Variants in POC1A observed in about 807,000 individuals in gnomAD.
The protein encoded by POC1A is POC1 centriolar protein homolog A.
POC1A carries 34 observed loss-of-function variants against 47.8 expected under a neutral mutation model. The observed-to-expected ratio is 0.71, with a 90% confidence interval of 0.54 to 0.95. The LOEUF is 0.95. POC1A is among the 40% of genes least tolerant of loss of function. The pLI is 0.00. For missense variants in POC1A, 466 were observed against 528.3 expected, an observed-to-expected ratio of 0.88 and a Z score of 1.16; for synonymous variants, 177 against 207.6, an observed-to-expected ratio of 0.85 and a Z score of 1.27.
rs1057493091 is a variant in POC1A at position 52,095,032 on chromosome 3, T to A, written c.1125+1537A>T. Reference sequence around the variant, plus strand: ...GTTTTTAGTGTTATACTCCTCTGGATCCAATGAAGCTATTTTTAACCACCT... The same window carrying A: ...GTTTTTAGTGTTATACTCCTCTGGAACCAATGAAGCTATTTTTAACCACCT... On this transcript the variant is annotated intron_variant, in intron 10 of 10. Coordinates refer to ENST00000296484, the MANE Select transcript of POC1A (RefSeq NM_015426.5). Among the ~76,000 whole-genome samples the A allele has an allele frequency of 2.0e-5, 3 of 152,222 alleles. 1 individual carries two copies. The South Asian group carries it at 6.2e-4, about 32-fold the overall frequency.
At chr3:52,077,208 G>A (rs2106914594) in intron 10 of POC1A, among the ~76,000 whole-genome samples, 1 of 152,362 alleles carries the variant, frequency 6.6e-6, no homozygotes, top group South Asian at 2.1e-4. Flanking sequence ...GCAGCCCATA[G>A]GCATCAGGAG....
chr3:52,088,593 GTGA>G (rs1250563610), intron 10 of POC1A, among the ~76,000 whole-genome samples: 1 of 152,152 alleles, frequency 6.6e-6, no homozygotes, highest in East Asian at 1.9e-4. Flanking sequence ...GGGGTCAGCT[GTGA>G]TGAAGTAGGC....
intron 10 of POC1A, among the ~76,000 whole-genome samples, chr3:52,081,459 C>T (rs184287614): frequency 5.3e-5 from 8 of 152,290 alleles, no homozygotes; most frequent in African/African-American, 1.9e-4. Flanking sequence ...TTCAACGAGG[C>T]AGATGCCACG....
At position 52,138,178 on chromosome 3, in the gene POC1A, G is replaced by A. The variant is rs201155173; in HGVS notation, c.804C>T (p.His268=). The A allele has an allele frequency of 2.6e-5, 42 of 1,614,182 alleles. No homozygotes were observed. Among genetic ancestry groups the A allele is most frequent in the Non-Finnish European group, 3.1e-5 (37 of 1,180,014 alleles). The change falls in exon 7 of 11, where the codon CAC becomes CAT. Residue 268 remains histidine, a synonymous_variant. Transcript: ENST00000296484. The part of the protein sequence containing the change: ...LMEGRLLYTL[H]GHQGPATTVA... ...GGCCGACACCTCTCACCTGATGCCC[G>A]TGGAGTGTGTAGAGCAGCCGGCCCT...
At chr3:52,077,254 G>A (rs1702145410) in intron 10 of POC1A, among the ~76,000 whole-genome samples, 1 of 152,254 alleles carries the variant, frequency 6.6e-6, no homozygotes, top group Non-Finnish European at 1.5e-5. Context: ...TTTCCCAAGA[G>A]GTTTTGCCCC....
intron 8 of POC1A, 45 bp downstream of exon 8, chr3:52,125,068 T>C: frequency 7.0e-7 from 1 of 1,437,018 alleles, no homozygotes; most frequent in Non-Finnish European, 9.8e-7. Context: ...AGAAATCAGC[T>C]CAGATTCCCT....
chr3:52,077,264 C>T (rs1018758705), intron 10 of POC1A, among the ~76,000 whole-genome samples: 1 of 152,242 alleles, frequency 6.6e-6, no homozygotes. Flanking sequence ...GGTTTTGCCC[C>T]CTTCCCTGGG....
chr3:52,123,818 T>C (rs1338513455), intron 8 of POC1A, among the ~76,000 whole-genome samples: 1 of 152,232 alleles, frequency 6.6e-6, no homozygotes, highest in Non-Finnish European at 1.5e-5. Flanking sequence ...AGGCTGCCTC[T>C]CCTACTATGT....
At chr3:52,149,173 G>A in intron 4 of POC1A, 37 bp downstream of exon 4, 1 of 1,600,824 alleles carries the variant, frequency 6.2e-7, no homozygotes, top group Non-Finnish European at 8.6e-7. Flanking sequence ...CAACCCCCAG[G>A]GTTCCTCCAA....
intron 7 of POC1A, among the ~76,000 whole-genome samples, chr3:52,136,126 T>C (rs996588302): frequency 1.3e-5 from 2 of 152,180 alleles, no homozygotes; most frequent in East Asian, 1.9e-4. Context: ...TACACCTGGA[T>C]ACCTGGAGTA....
intron 4 of POC1A, among the ~76,000 whole-genome samples, chr3:52,148,557 C>T (rs1249057341): frequency 6.6e-6 from 1 of 152,242 alleles, no homozygotes; most frequent in Non-Finnish European, 1.5e-5. Context: ...CTTGAAAGGT[C>T]CTTTGGGTTA....
chr3:52,106,881 A>G (rs554655885), intron 9 of POC1A, among the ~76,000 whole-genome samples: 2 of 152,266 alleles, frequency 1.3e-5, no homozygotes, highest in Non-Finnish European at 2.9e-5. Context: ...CTCTCTCTGC[A>G]AGCATTTCCA....
chr3:52,126,283 C>T (rs1410795334), intron 7 of POC1A, among the ~76,000 whole-genome samples: 1 of 152,166 alleles, frequency 6.6e-6, no homozygotes, highest in Non-Finnish European at 1.5e-5. Flanking sequence ...CAGAAAAGAC[C>T]AGCCAAGTTC....
At chr3:52,153,924 C>T (rs533815328) in intron 1 of POC1A, among the ~76,000 whole-genome samples, 7 of 152,370 alleles carry the variant, frequency 4.6e-5, no homozygotes, top group African/African-American at 9.6e-5. Flanking sequence ...CGGCTCCGCC[C>T]CGCTCACACT....
At chr3:52,114,420 T>C (rs942605125) in intron 9 of POC1A, among the ~76,000 whole-genome samples, 1 of 152,164 alleles carries the variant, frequency 6.6e-6, no homozygotes. Context: ...ATTGTGGGAA[T>C]GTAGACACCA....
chr3:52,145,141 C>T (rs80348271), intron 6 of POC1A, among the ~76,000 whole-genome samples: 5 of 152,278 alleles, frequency 3.3e-5, no homozygotes, highest in African/African-American at 1.2e-4. Flanking sequence ...GGAACTGGGG[C>T]GCCTCATGGC....
chr3:52,122,325 T>C, intron 9 of POC1A, 54 bp downstream of exon 9: 5 of 1,042,518 alleles, frequency 4.8e-6, no homozygotes, highest in Non-Finnish European at 7.6e-6. Context: ...CTGTTCACCA[T>C]GACCTAGCCC....
At chr3:52,136,926 G>A (rs1031446443) in intron 7 of POC1A, among the ~76,000 whole-genome samples, 1 of 152,224 alleles carries the variant, frequency 6.6e-6, no homozygotes, top group Non-Finnish European at 1.5e-5. Flanking sequence ...AACTGTTTCT[G>A]AGTTTTGTTT....
At chr3:52,125,744 C>T (rs1703972950) in intron 7 of POC1A, among the ~76,000 whole-genome samples, 1 of 152,134 alleles carries the variant, frequency 6.6e-6, no homozygotes, top group African/African-American at 2.4e-5. Flanking sequence ...AGCAATGTGA[C>T]ACGTCTCTCT....
Sources: allele counts gnomAD v4.1 joint callset (sites outside exome capture counted in the v4.1 genomes callset), GRCh38; gene constraint gnomAD v4.1.1; transcripts MANE v1.5; gene names NCBI Gene and HGNC (gene_info 2026-07-23, HGNC 2026-07-21).